The following ATP2C2 variants were observed in gnomAD, a reference collection of about 807,000 sequenced individuals.
ATP2C2 encodes the protein ATPase secretory pathway Ca2+ transporting 2.
ATP2C2 carries 171 observed loss-of-function variants against 110.8 expected under a neutral mutation model. That is an observed-to-expected ratio of 1.54 (90% confidence interval 1.36 to 1.75). The LOEUF is 1.75. Among genes scored for constraint, ATP2C2 ranks in the 40% most tolerant of loss-of-function variants. The pLI, the probability that ATP2C2 is intolerant of heterozygous loss-of-function variation, is 0.00. For missense variants in ATP2C2, 1,963 were observed against 1,235.0 expected, an observed-to-expected ratio of 1.59 and a Z score of -8.84; for synonymous variants, 804 against 508.4, an observed-to-expected ratio of 1.58 and a Z score of -7.82.
In ATP2C2 at chr16:84,448,631, C is replaced by T. The variant is rs1286366424; in HGVS notation, c.1602C>T (p.Pro534=). 6.2e-7 allele frequency: 1 copy of T among 1,613,872 alleles called. No individual in the cohort carries two copies. The highest frequency in any genetic ancestry group is 2.2e-5 in the East Asian group (1 of 44,882). The part of the protein sequence containing the change: ...NNGGIPLPLT[P]QQRSFCLQEE... ...GGGGCATCCCCCTGCCGCTGACGCCCCAGCAGAGGTCATTCTGCCTGCAGG... is the reference window on the plus strand; with the variant it reads ...GGGGCATCCCCCTGCCGCTGACGCCTCAGCAGAGGTCATTCTGCCTGCAGG... The change falls in exon 17 of 27, where the codon CCC becomes CCT. Residue 534 remains proline, a synonymous_variant. Coordinates refer to ENST00000262429, the MANE Select transcript of ATP2C2 (RefSeq NM_014861.4).
chr16:84,374,258 G>C (rs531914229), intron 1 of ATP2C2, among the ~76,000 whole-genome samples: 3 of 152,194 alleles, frequency 2.0e-5, no homozygotes. Context: ...TGTGCGCTGT[G>C]TGATGACTCA....
rs962956757 is a variant in ATP2C2, at chr16:84,461,750, A to G, written c.2518A>G (p.Thr840Ala). ...EDRASTPRTTTMTFTCFVFFD... is the reference protein window; with the variant it reads ...EDRASTPRTTAMTFTCFVFFD... Reference sequence around the variant, plus strand: ...CAGAGCAAGCACTCCCCGCACCACGACGATGACGTTCACTTGTTTTGTGTT... The same window carrying G: ...CAGAGCAAGCACTCCCCGCACCACGGCGATGACGTTCACTTGTTTTGTGTT... Residue 840 changes from threonine to alanine, a missense_variant, in exon 25 of 27, where the codon ACG becomes GCG. Coordinates refer to ENST00000262429, the MANE Select transcript of ATP2C2 (RefSeq NM_014861.4). 12 of 1,614,060 alleles carry G rather than the reference A, an allele frequency of 7.4e-6. No individual in the cohort carries two copies. Among genetic ancestry groups the G allele is most frequent in the Non-Finnish European group, 1.0e-5 (12 of 1,180,030 alleles).
In ATP2C2 at chr16:84,459,661, A is replaced by G. The variant is rs1011493284; in HGVS notation, c.2333+275A>G. ...TGGGCAACCTGCATGGCTCATTCTC[A>G]TGCTTCATTCCAGTCACCAGTCACT... is the stretch of plus-strand genomic sequence containing the variant. On this transcript the variant is annotated intron_variant, in intron 23 of 26. Transcript: ENST00000262429. 16 of 1,352,972 alleles carry G rather than the reference A, an allele frequency of 1.2e-5. No individual in the cohort carries two copies. The African/African-American group carries it at 1.6e-4, about 13-fold the overall frequency. 83.8% of individuals were successfully genotyped at this position (1,352,972 alleles called of 1,614,324 possible).
intron 3 of ATP2C2, 122 bp from the exon 4 acceptor site, chr16:84,408,283 G>A (rs778200260): frequency 1.1e-6 from 1 of 891,626 alleles, no homozygotes; most frequent in Non-Finnish European, 1.8e-6. Flanking sequence ...GGTCACCATG[G>A]TGTTGACCTG....
chr16:84,427,792 T>C (rs548915156), intron 11 of ATP2C2, among the ~76,000 whole-genome samples: 1 of 152,178 alleles, frequency 6.6e-6, no homozygotes, highest in South Asian at 2.1e-4. Flanking sequence ...GGCCTGGGGT[T>C]GGGGAGTGTG....
intron 23 of ATP2C2, chr16:84,459,651 G>A (rs1455422746): frequency 1.4e-6 from 2 of 1,412,452 alleles, no homozygotes; most frequent in Non-Finnish European, 1.9e-6. Context: ...AACCTGCATG[G>A]CTCATTCTCA....
At chr16:84,384,018 A>G (rs1353246403) in intron 1 of ATP2C2, among the ~76,000 whole-genome samples, 2 of 151,602 alleles carry the variant, frequency 1.3e-5, no homozygotes, top group Non-Finnish European at 2.9e-5. Flanking sequence ...CAAACTCCTG[A>G]GCTCAAGCAA....
chr16:84,383,095 T>C (rs1487120301), intron 1 of ATP2C2, among the ~76,000 whole-genome samples: 1 of 152,036 alleles, frequency 6.6e-6, no homozygotes, highest in African/African-American at 2.4e-5. Context: ...AGCTAGTGGG[T>C]TCCTGGGAGC....
chr16:84,434,407 T>C (rs1955733287), intron 11 of ATP2C2, among the ~76,000 whole-genome samples: 3 of 151,912 alleles, frequency 2.0e-5, no homozygotes, highest in Middle Eastern at 3.4e-3. Context: ...AGAGCAAGAC[T>C]CCATCTCAAA....
chr16:84,369,393 C>T (rs1909819760), intron 1 of ATP2C2, among the ~76,000 whole-genome samples: 2 of 124,866 alleles, frequency 1.6e-5, no homozygotes, highest in South Asian at 2.3e-4. Context: ...TTGAGGGTGA[C>T]CCAACACCCT....
At chr16:84,408,706 C>T (rs562350487) in intron 4 of ATP2C2, among the ~76,000 whole-genome samples, 5 of 152,264 alleles carry the variant, frequency 3.3e-5, no homozygotes, top group African/African-American at 9.6e-5. Flanking sequence ...GCTGGACACA[C>T]AGGTGCTTCT....
At chr16:84,452,563 A>C (rs1467220213) in intron 18 of ATP2C2, among the ~76,000 whole-genome samples, 1 of 147,586 alleles carries the variant, frequency 6.8e-6, no homozygotes. Context: ...CAGTAGTGCA[A>C]TCTTGGCTCA....
Position 84,410,746 on chromosome 16 carries a change from G to A in ATP2C2, c.496G>A (p.Val166Ile), listed in dbSNP as rs756655642. ...EKSLEELTKLVPPECNCLREG... is the reference protein window; with the variant it reads ...EKSLEELTKLIPPECNCLREG... The stretch of plus-strand genomic sequence containing the variant: ...ATCTCTGGAAGAGCTGACCAAGCTG[G>A]TTCCTCCAGAATGTAACTGGTAAGT... The change falls in exon 6 of 27, where the codon GTT (valine) becomes ATT (isoleucine). Residue 166 changes from valine (V) to isoleucine (I), a missense_variant. Val to Ile is a conservative substitution (Grantham distance 29). Transcript: ENST00000262429. 1.9e-6 allele frequency: 3 copies of A among 1,614,168 alleles called. No individual in the cohort carries two copies. Among genetic ancestry groups the A allele is most frequent in the Admixed American group, 3.3e-5 (2 of 60,020 alleles).
intron 1 of ATP2C2, among the ~76,000 whole-genome samples, chr16:84,375,328 G>C (rs1446216450): frequency 6.6e-6 from 1 of 152,124 alleles, no homozygotes; most frequent in Non-Finnish European, 1.5e-5. Context: ...GATCACTTGA[G>C]GTCAGGAGTT....
chr16:84,437,455 C>G (rs773560521), intron 11 of ATP2C2, among the ~76,000 whole-genome samples: 4 of 152,056 alleles, frequency 2.6e-5, no homozygotes, highest in Non-Finnish European at 4.4e-5. Flanking sequence ...AAATGATCTG[C>G]CAGTGTGATC....
At position 84,455,003 on chromosome 16, in the gene ATP2C2, T is replaced by A; in HGVS notation, c.2147+19T>A. On this transcript the variant is annotated intron_variant, in intron 21 of 26. Transcript: ENST00000262429. Reference sequence around the variant, plus strand: ...CCATCATGTAAGCTGCCCTTCTGGTTGTTTTTCAGTTGCAAAAATGCCTGG... The same window carrying A: ...CCATCATGTAAGCTGCCCTTCTGGTAGTTTTTCAGTTGCAAAAATGCCTGG... 2 of 1,612,158 alleles carry A rather than the reference T, an allele frequency of 1.2e-6. No homozygotes were observed.
intron 1 of ATP2C2, among the ~76,000 whole-genome samples, chr16:84,395,780 A>C (rs1904934923): frequency 6.6e-6 from 1 of 151,418 alleles, no homozygotes; most frequent in Non-Finnish European, 1.5e-5. Flanking sequence ...GATTATAGGT[A>C]TGAGCCACTG....
At chr16:84,416,830 A>G (rs978284072) in intron 7 of ATP2C2, among the ~76,000 whole-genome samples, 2 of 152,146 alleles carry the variant, frequency 1.3e-5, no homozygotes, top group East Asian at 3.9e-4. Context: ...ATCCGGTCAG[A>G]GGAACGGCTG....
At chr16:84,378,455 T>C (rs898104725) in intron 1 of ATP2C2, among the ~76,000 whole-genome samples, 1 of 152,154 alleles carries the variant, frequency 6.6e-6, no homozygotes, top group African/African-American at 2.4e-5. Flanking sequence ...AGATTCCTCC[T>C]CTCCCTGGCT....
Sources: gnomAD v4.1 joint callset for allele counts (sites outside exome capture counted in the v4.1 genomes callset) on GRCh38, gnomAD v4.1.1 for gene constraint, MANE v1.5 for transcripts, NCBI Gene and HGNC (gene_info 2026-07-23, HGNC 2026-07-21) for gene names.